The following ZCWPW1 variants were observed in gnomAD, a reference collection of about 807,000 sequenced individuals.
The protein encoded by ZCWPW1 is zinc finger CW-type PWWP domain protein 1.
A neutral mutation model predicts 81.3 loss-of-function variants in ZCWPW1; 56 were observed. The ratio of observed to expected loss-of-function variants is 0.69; its 90% confidence interval spans 0.56 to 0.86. The LOEUF (loss-of-function observed/expected upper bound fraction) is 0.86. Among genes scored for constraint, ZCWPW1 ranks in the 40% least tolerant of loss-of-function variants. The pLI is 0.00. For missense variants in ZCWPW1, 650 were observed against 769.8 expected (o/e 0.84, Z 1.84); for synonymous variants, 250 against 273.7 (o/e 0.91, Z 0.86).
At chr7:100,402,839 A>G (rs1184074733) in intron 15 of ZCWPW1, among the ~76,000 whole-genome samples, 1 of 152,232 alleles carries the variant, frequency 6.6e-6, no homozygotes, top group Non-Finnish European at 1.5e-5. Context: ...TGCTAAATTA[A>G]AAATTAGAAG....
intron 2 of ZCWPW1, among the ~76,000 whole-genome samples, chr7:100,423,713 T>C (rs550019597): frequency 9.9e-5 from 15 of 152,228 alleles, no homozygotes; most frequent in Non-Finnish European, 1.9e-4. Flanking sequence ...AGTTGGAATT[T>C]TGGGGAGAAA....
At chr7:100,413,780 C>T (rs1013095775) in intron 8 of ZCWPW1, among the ~76,000 whole-genome samples, 11 of 151,846 alleles carry the variant, frequency 7.2e-5, no homozygotes, top group South Asian at 2.1e-4. Context: ...TTTATAGAGA[C>T]GGGGGTCTCA....
chr7:100,416,967 TATG>T (rs1256331124), intron 6 of ZCWPW1, 96 bp downstream of exon 6: 1 of 782,866 alleles, frequency 1.3e-6, no homozygotes, highest in African/African-American at 1.8e-5. Context: ...AAAAAAGAAA[TATG>T]ATAAATGACC....
At chr7:100,417,322 T>A in intron 5 of ZCWPW1, 139 bp from the exon 6 acceptor site, 1 of 603,076 alleles carries the variant, frequency 1.7e-6, no homozygotes, top group Non-Finnish European at 2.9e-6. Context: ...TTTAAATATT[T>A]AAATTTTCAG....
intron 2 of ZCWPW1, among the ~76,000 whole-genome samples, chr7:100,421,428 T>C (rs1796322430): frequency 6.6e-6 from 1 of 152,198 alleles, no homozygotes; most frequent in Admixed American, 6.5e-5. Context: ...TCTCTGTGCA[T>C]AGAGAAGCCC....
intron 8 of ZCWPW1, among the ~76,000 whole-genome samples, chr7:100,412,583 T>A (rs539093994): frequency 3.6e-4 from 55 of 152,258 alleles, no homozygotes; most frequent in African/African-American, 9.1e-4. Flanking sequence ...TTTATTTTTT[T>A]TTTATTTATT....
In ZCWPW1 at chr7:100,425,016, A is replaced by G. The variant is rs1467362334; in HGVS notation, c.-30+14T>C. 6.6e-6 allele frequency: 1 copy of G among 152,222 alleles called. No homozygotes were observed. The highest frequency in any genetic ancestry group is 1.5e-5 in the Non-Finnish European group (1 of 68,038). 9.4% of individuals were successfully genotyped at this position (152,222 alleles called of 1,614,324 possible). On this transcript the variant is annotated intron_variant, in intron 2 of 17. Coordinates refer to ENST00000684423, the MANE Select transcript of ZCWPW1 (RefSeq NM_001386010.1). ...GTGCATGTGATAACACTGCTTTCAA[A>G]CAAAAGCTCTAACCTGATCAGTAAA...
At chr7:100,407,989 C>T (rs560183960) in intron 10 of ZCWPW1, among the ~76,000 whole-genome samples, 3 of 152,244 alleles carry the variant, frequency 2.0e-5, no homozygotes, top group East Asian at 1.9e-4. Context: ...CTCACTCTGT[C>T]GCCCAGACTG....
rs147445817 is a variant in ZCWPW1 at position 100,406,703 on chromosome 7, T to C, written c.1164A>G (p.Leu388=). 80 of 1,614,026 alleles carry C rather than the reference T, an allele frequency of 5.0e-5. No individual in the cohort carries two copies. Among genetic ancestry groups the C allele is most frequent in the East Asian group, 2.0e-4 (9 of 44,878 alleles). Residue 388 remains leucine (L), a synonymous_variant, in exon 12 of 18, where the codon CTA becomes CTG. Coordinates refer to ENST00000684423, the MANE Select transcript of ZCWPW1 (RefSeq NM_001386010.1). The stretch of plus-strand genomic sequence containing the variant: ...CCCAAGATGTGCTCACCATGACTGA[T>C]AGCTCCAGGGACAGCTCCTGGAAGT... ...LKNFQELSLE[L]SVMKKRRNDC...
chr7:100,409,346 G>A (rs1793722920), intron 9 of ZCWPW1, 82 bp downstream of exon 9: 1 of 1,094,622 alleles, frequency 9.1e-7, no homozygotes, highest in Non-Finnish European at 1.4e-6. Context: ...TATTTACGTA[G>A]TATTTAATCT....
At chr7:100,409,239 G>A (rs1202117411) in intron 9 of ZCWPW1, among the ~76,000 whole-genome samples, 189 bp downstream of exon 9, 2 of 152,072 alleles carry the variant, frequency 1.3e-5, no homozygotes, top group African/African-American at 4.8e-5. Flanking sequence ...ACTTTACAGG[G>A]CATCTTCCTC....
chr7:100,428,567 C>T lies in ZCWPW1; in HGVS notation c.-137+1G>A, dbSNP rs1215550311. ...CCTGCTGGTCTCCTTCACGCCCTCA[C>T]CTTAGGATTTTGAGACTCTCCTGGA... On this transcript the variant is annotated splice_donor_variant, in intron 1 of 17. Coordinates refer to ENST00000684423, the MANE Select transcript of ZCWPW1 (RefSeq NM_001386010.1). LOFTEE classifies it low-confidence loss of function (5UTR_SPLICE). The T allele has an allele frequency of 6.5e-6, 1 of 152,762 alleles. No individual in the cohort carries two copies. The highest frequency in any genetic ancestry group is 1.5e-5 in the Non-Finnish European group (1 of 68,438). The allele number at this position is 152,762 out of a possible 1,614,324, so 9.5% of individuals were successfully genotyped here.
intron 12 of ZCWPW1, among the ~76,000 whole-genome samples, chr7:100,406,188 G>A (rs561949330): frequency 7.9e-5 from 12 of 152,290 alleles, no homozygotes; most frequent in African/African-American, 1.9e-4. Context: ...GTTCTCAACC[G>A]GGTAGACTGT....
rs184635441 is a variant in ZCWPW1 at position 100,424,245 on chromosome 7, G to C, written c.-30+785C>G. On this transcript the variant is annotated intron_variant, in intron 2 of 17. Coordinates refer to ENST00000684423, the MANE Select transcript of ZCWPW1 (RefSeq NM_001386010.1). ...TGAGAAAAGCAGAGTGAAAATTAGT[G>C]TGTTTCAGATGACAACATTTAGTTT... Among the ~76,000 whole-genome samples, 531 of 152,170 alleles carry C rather than the reference G, an allele frequency of 3.5e-3. 4 individuals carry two copies. Among genetic ancestry groups the C allele is most frequent in the African/African-American group, 0.012 (504 of 41,508 alleles).
rs761082800 is a variant in ZCWPW1 at position 100,403,720 on chromosome 7, ACT to A, written c.1385_1386del (p.Glu462ValfsTer17). 7 of 1,613,422 alleles carry A rather than the reference ACT, an allele frequency of 4.3e-6. No individual in the cohort carries two copies. Among genetic ancestry groups the A allele is most frequent in the Non-Finnish European group, 5.9e-6 (7 of 1,179,840 alleles). On this transcript the variant is annotated frameshift_variant, in exon 15 of 18. Transcript: ENST00000684423. LOFTEE classifies it high-confidence loss of function. ...GTTTTCTCTCCTTCCTCCTTTTCCA[ACT>A]CTTCCTCTTTCTCCTTTTTCTCTAA... ...SCLEKKEKEE[E>X]LEKEEGEKTD...
At chr7:100,408,705 A>T (rs1793559482) in intron 9 of ZCWPW1, 46 bp from the exon 10 acceptor site, 3 of 1,594,842 alleles carry the variant, frequency 1.9e-6, no homozygotes, top group Non-Finnish European at 2.6e-6. Flanking sequence ...AGACTCTTTA[A>T]GAGAAAGAGC....
At chr7:100,420,546 CT>C in intron 3 of ZCWPW1, 75 bp downstream of exon 3, 1 of 1,584,228 alleles carries the variant, frequency 6.3e-7, no homozygotes, top group East Asian at 2.2e-5. Flanking sequence ...CCGTACCATC[CT>C]TTGGTGGAAA....
At chr7:100,410,794 T>C (rs1794005308) in intron 8 of ZCWPW1, among the ~76,000 whole-genome samples, 1 of 152,224 alleles carries the variant, frequency 6.6e-6, no homozygotes, top group Non-Finnish European at 1.5e-5. Flanking sequence ...AAGACTCCTA[T>C]AGCAACTTTC....
intron 1 of ZCWPW1, among the ~76,000 whole-genome samples, 162 bp from the exon 2 acceptor site, chr7:100,425,298 G>A (rs1381422444): frequency 3.9e-5 from 6 of 152,098 alleles, no homozygotes; most frequent in Admixed American, 3.9e-4. Context: ...AGAGGGGCAG[G>A]GTGTGGGGTT....
Sources: allele counts gnomAD v4.1 joint callset (sites outside exome capture counted in the v4.1 genomes callset), GRCh38; gene constraint gnomAD v4.1.1; transcripts MANE v1.5; gene names NCBI Gene and HGNC (gene_info 2026-07-23, HGNC 2026-07-21).